The following DLGAP2 variants were observed in gnomAD, a reference collection of about 807,000 sequenced individuals.
The protein encoded by DLGAP2 is DLG associated protein 2, also known as disks large-associated protein 2.
In DLGAP2, 26 loss-of-function variants were observed where a neutral mutation model predicts 100.3. The ratio of observed to expected loss-of-function variants is 0.26; its 90% CI spans 0.19 to 0.36. DLGAP2 has a LOEUF of 0.36. Among genes scored for constraint, DLGAP2 ranks in the 10% least tolerant of loss-of-function variants. DLGAP2 has a pLI of 1.00. For synonymous variants in DLGAP2, 886 were observed against 630.1 expected (o/e 1.41, Z -6.08); for missense variants, 1,858 against 1,453.2 (o/e 1.28, Z -4.53).
chr8:918,740 T>G (rs1367771600), intron 2 of DLGAP2, among the ~76,000 whole-genome samples: 1 of 152,214 alleles, frequency 6.6e-6, no homozygotes, highest in Non-Finnish European at 1.5e-5. Context: ...TCCTTTTCTT[T>G]TATAGCTTTT....
chr8:994,760 C>G (rs945397987), intron 2 of DLGAP2, among the ~76,000 whole-genome samples: 10 of 152,276 alleles, frequency 6.6e-5, no homozygotes, highest in African/African-American at 1.9e-4. Context: ...CAGGTCAGAC[C>G]TGCTCCCTTG....
intron 1 of DLGAP2, among the ~76,000 whole-genome samples, chr8:875,733 A>T (rs1219009006): frequency 6.6e-6 from 1 of 152,126 alleles, no homozygotes; most frequent in Non-Finnish European, 1.5e-5. Flanking sequence ...TTTTTGCATT[A>T]AGTGAATATT....
intron 2 of DLGAP2, among the ~76,000 whole-genome samples, chr8:1,252,689 C>A (rs188400966): frequency 6.6e-6 from 1 of 152,226 alleles, no homozygotes; most frequent in African/African-American, 2.4e-5. Flanking sequence ...CTAGCGAGGC[C>A]GCCGGGTGTC....
intron 1 of DLGAP2, among the ~76,000 whole-genome samples, chr8:840,063 C>T (rs111466991): frequency 1.3e-4 from 4 of 29,892 alleles, no homozygotes; most frequent in East Asian, 8.6e-4. Context: ...CACGTCTCCC[C>T]ACACTCTGGA....
At chr8:1,475,939 T>C (rs1798919256) in intron 3 of DLGAP2, among the ~76,000 whole-genome samples, 1 of 152,212 alleles carries the variant, frequency 6.6e-6, no homozygotes, top group Non-Finnish European at 1.5e-5. Context: ...TTCTTCATTA[T>C]AAAGAAAAAT....
At chr8:1,582,548 C>G (rs1795965293) in intron 6 of DLGAP2, among the ~76,000 whole-genome samples, 1 of 151,300 alleles carries the variant, frequency 6.6e-6, no homozygotes, top group South Asian at 2.1e-4. Context: ...AAATTCATTG[C>G]TAGCAGACCA....
chr8:1,082,904 T>G (rs1803858171), intron 2 of DLGAP2, among the ~76,000 whole-genome samples: 1 of 152,210 alleles, frequency 6.6e-6, no homozygotes, highest in Admixed American at 6.5e-5. Flanking sequence ...ATTCAACTTT[T>G]GGGGGAATAG....
At chr8:1,585,874 A>T (rs758516091) in intron 6 of DLGAP2, among the ~76,000 whole-genome samples, 5 of 152,102 alleles carry the variant, frequency 3.3e-5, no homozygotes, top group Non-Finnish European at 7.4e-5. Flanking sequence ...TGTCTCTGGC[A>T]TGTCCATCGC....
At chr8:1,379,888 C>T (rs1796052458) in intron 3 of DLGAP2, among the ~76,000 whole-genome samples, 2 of 146,498 alleles carry the variant, frequency 1.4e-5, no homozygotes, top group South Asian at 2.3e-4. Flanking sequence ...GGTGCCTTCC[C>T]TTCCCTCCCC....
At chr8:1,674,801 G>C (rs1399940031) in intron 10 of DLGAP2, among the ~76,000 whole-genome samples, 5 of 152,158 alleles carry the variant, frequency 3.3e-5, no homozygotes, top group African/African-American at 9.7e-5. Flanking sequence ...TGCACTGAAG[G>C]CTCATTAAAT....
chr8:1,006,213 C>T (rs1466703753), intron 2 of DLGAP2, among the ~76,000 whole-genome samples: 1 of 152,074 alleles, frequency 6.6e-6, no homozygotes, highest in Non-Finnish European at 1.5e-5. Context: ...AAATCTCATG[C>T]CCCACCATCC....
At chr8:1,010,451 C>G (rs974444210) in intron 2 of DLGAP2, among the ~76,000 whole-genome samples, 2 of 152,234 alleles carry the variant, frequency 1.3e-5, no homozygotes, top group Admixed American at 6.5e-5. Flanking sequence ...TACTCATATT[C>G]TCACATATGT....
At chr8:1,183,090 A>G (rs1011491041) in intron 2 of DLGAP2, among the ~76,000 whole-genome samples, 1 of 152,008 alleles carries the variant, frequency 6.6e-6, no homozygotes, top group African/African-American at 2.4e-5. Flanking sequence ...AGCTGGGATG[A>G]CACAAATGCA....
At chr8:916,446 T>A (rs1798595310) in intron 2 of DLGAP2, among the ~76,000 whole-genome samples, 3 of 152,256 alleles carry the variant, frequency 2.0e-5, no homozygotes, top group Admixed American at 2.0e-4. Flanking sequence ...AAACACCACA[T>A]GTTCTCACTG....
intron 4 of DLGAP2, among the ~76,000 whole-genome samples, chr8:1,504,620 C>T (rs1799841388): frequency 6.6e-6 from 1 of 152,216 alleles, no homozygotes; most frequent in Non-Finnish European, 1.5e-5. Flanking sequence ...TCAGATTCCA[C>T]GTGTAAGTGA....
intron 2 of DLGAP2, among the ~76,000 whole-genome samples, chr8:927,355 C>T (rs796799844): frequency 1.1e-4 from 17 of 152,166 alleles, no homozygotes; most frequent in African/African-American, 4.1e-4. Flanking sequence ...GTGACTGTAG[C>T]ACTTTGTGGG....
rs1276806473 is a variant in DLGAP2 at position 1,246,007 on chromosome 8, T to G, written c.74-12844T>G. On this transcript the variant is annotated intron_variant, in intron 2 of 14. Transcript: ENST00000637795. ...CTATTGAGGAAGAACTCTTTCTACT[T>G]CTACACTCAAATTTCATGTTGATAT... 2.0e-5 allele frequency among the ~76,000 whole-genome samples: 3 copies of G among 152,232 alleles called. No individual in the cohort carries two copies. The East Asian group carries it at 5.8e-4, about 29-fold the overall frequency.
intron 2 of DLGAP2, among the ~76,000 whole-genome samples, chr8:964,747 C>G (rs1457084651): frequency 6.6e-6 from 1 of 152,186 alleles, no homozygotes; most frequent in Non-Finnish European, 1.5e-5. Context: ...GTGGGCACCG[C>G]CTCCACCTAC....
At chr8:1,538,613 C>A (rs1801235569) in intron 4 of DLGAP2, among the ~76,000 whole-genome samples, 1 of 152,186 alleles carries the variant, frequency 6.6e-6, no homozygotes. Flanking sequence ...CGTCCCTCCT[C>A]CCCCGCTCCC....
Sources: allele counts gnomAD v4.1 joint callset (sites outside exome capture counted in the v4.1 genomes callset), GRCh38; gene constraint gnomAD v4.1.1; transcripts MANE v1.5; gene names NCBI Gene and HGNC (gene_info 2026-07-23, HGNC 2026-07-21).